The following ENTREP2 variants were observed in gnomAD, a reference collection of about 807,000 sequenced individuals.
ENTREP2 encodes endosomal transmembrane epsin interactor 2.
the ENTREP2 span, among the ~76,000 whole-genome samples, chr15:29,290,745 C>T: frequency 6.6e-6 from 1 of 152,178 alleles, no homozygotes; most frequent in Non-Finnish European, 1.5e-5. Context: ...CCAGTAGGTT[C>T]CTCTGCCTGT....
chr15:29,381,318 A>G, the ENTREP2 span, among the ~76,000 whole-genome samples: 70,732 of 150,718 alleles, frequency 0.47, 20,118 homozygotes, highest in African/African-American at 0.81. Context: ...TTAGCCGGGC[A>G]TGGTGGCAGG....
At chr15:29,221,354 ACCACGC>A in the ENTREP2 span, among the ~76,000 whole-genome samples, 237 of 152,162 alleles carry the variant, frequency 1.6e-3, no homozygotes, top group African/African-American at 5.3e-3. Flanking sequence ...GGTGCCCACC[ACCACGC>A]CCAGCTAATT....
chr15:29,188,032 C>A, the ENTREP2 span, among the ~76,000 whole-genome samples: 2 of 152,262 alleles, frequency 1.3e-5, no homozygotes, highest in African/African-American at 4.8e-5. Flanking sequence ...ATGGCTCATG[C>A]ATAGAGAGAG....
chr15:29,359,571 C>T, the ENTREP2 span, among the ~76,000 whole-genome samples: 4 of 152,210 alleles, frequency 2.6e-5, no homozygotes, highest in Admixed American at 6.5e-5. Context: ...CACCACCACA[C>T]CCAGCTAATT....
the ENTREP2 span, among the ~76,000 whole-genome samples, chr15:29,643,484 CAA>C: frequency 9.4e-3 from 1,426 of 151,764 alleles, 16 homozygotes; most frequent in African/African-American, 0.033. Context: ...TAACAAGCAT[CAA>C]AAAAGACATG....
chr15:29,124,626 C>T, the ENTREP2 span: 271 of 1,437,926 alleles, frequency 1.9e-4, 4 homozygotes, highest in South Asian at 2.8e-3. Context: ...AAGGACCCAC[C>T]AACACCCGCC....
chr15:29,659,700 C>T, the ENTREP2 span, among the ~76,000 whole-genome samples: 1 of 152,010 alleles, frequency 6.6e-6, no homozygotes, highest in East Asian at 1.9e-4. Flanking sequence ...TAATTTTATG[C>T]CTCAACCTTA....
chr15:29,195,928 T>G, the ENTREP2 span, among the ~76,000 whole-genome samples: 3 of 152,330 alleles, frequency 2.0e-5, 1 homozygote, highest in Admixed American at 2.0e-4. Flanking sequence ...ATTTTGCTTT[T>G]CAGAATAAAA....
chr15:29,501,574 AG>A, the ENTREP2 span, among the ~76,000 whole-genome samples: 32 of 152,076 alleles, frequency 2.1e-4, no homozygotes, highest in African/African-American at 7.0e-4. Flanking sequence ...TAACAGGGAA[AG>A]ACTGAAAGCT....
chr15:29,443,920 T>C, the ENTREP2 span, among the ~76,000 whole-genome samples: 1 of 151,918 alleles, frequency 6.6e-6, no homozygotes. Context: ...CTGGCTAACA[T>C]GGTGAAACCC....
At chr15:29,641,658 C>A in the ENTREP2 span, among the ~76,000 whole-genome samples, 1 of 151,584 alleles carries the variant, frequency 6.6e-6, no homozygotes, top group Non-Finnish European at 1.5e-5. Context: ...ATGGTGAAAC[C>A]CTGTCTCTAA....
At chr15:29,480,954 A>G in the ENTREP2 span, among the ~76,000 whole-genome samples, 1 of 152,186 alleles carries the variant, frequency 6.6e-6, no homozygotes, top group Non-Finnish European at 1.5e-5. Context: ...GAAATCCTGC[A>G]GAGGAACCCA....
chr15:29,530,551 G>A, the ENTREP2 span, among the ~76,000 whole-genome samples: 2 of 152,124 alleles, frequency 1.3e-5, no homozygotes, highest in Admixed American at 1.3e-4. Context: ...TCTACCAAGA[G>A]CGGTTCACCA....
At chr15:29,656,589 G>A in the ENTREP2 span, among the ~76,000 whole-genome samples, 1 of 152,098 alleles carries the variant, frequency 6.6e-6, no homozygotes, top group Non-Finnish European at 1.5e-5. Flanking sequence ...CACAGCAAAT[G>A]GAAAGATGCT....
At chr15:29,604,067 C>T in the ENTREP2 span, among the ~76,000 whole-genome samples, 28 of 152,060 alleles carry the variant, frequency 1.8e-4, no homozygotes, top group African/African-American at 4.3e-4. Context: ...ACATTTATGA[C>T]GAGGGAAACG....
chr15:29,214,005 G>C, the ENTREP2 span, among the ~76,000 whole-genome samples: 2 of 150,052 alleles, frequency 1.3e-5, no homozygotes, highest in Non-Finnish European at 3.0e-5. Flanking sequence ...TCTCATGCCA[G>C]TTAGAATGGC....
the ENTREP2 span, chr15:29,376,676 CCT>C: frequency 1.3e-5 from 2 of 152,244 alleles, no homozygotes; most frequent in African/African-American, 4.8e-5. Context: ...CTGCTGCTCC[CCT>C]CTCTTTGCCC....
chr15:29,414,462 A>C, the ENTREP2 span, among the ~76,000 whole-genome samples: 1 of 152,230 alleles, frequency 6.6e-6, no homozygotes. Flanking sequence ...GAGAACAAAG[A>C]TACAACATAC....
At chr15:29,348,526 G>C in the ENTREP2 span, among the ~76,000 whole-genome samples, 1 of 152,202 alleles carries the variant, frequency 6.6e-6, no homozygotes, top group South Asian at 2.1e-4. Context: ...AGGGGTGGTT[G>C]CAGATGGAGG....
Sources: allele counts gnomAD v4.1 joint callset (sites outside exome capture counted in the v4.1 genomes callset), GRCh38; gene constraint gnomAD v4.1.1; transcripts MANE v1.5; gene names NCBI Gene and HGNC (gene_info 2026-07-23, HGNC 2026-07-21).